The following RAB27B variants were observed in gnomAD, a reference collection of about 807,000 sequenced individuals.
The protein encoded by RAB27B is ras-related protein Rab-27B.
Under a neutral mutation model 24.6 loss-of-function variants are expected in RAB27B, and 15 were observed. The observed-to-expected ratio is 0.61, with a 90% CI of 0.41 to 0.94. The LOEUF is 0.94. RAB27B is among the 40% of genes least tolerant of loss of function. The probability of loss-of-function intolerance (pLI) is 0.00; values close to 1 mark genes in which losing one functional copy is unlikely to be tolerated. For synonymous variants in RAB27B, 105 were observed against 92.5 expected, an observed-to-expected ratio of 1.14 and a Z score of -0.78; for missense variants, 261 against 266.8, an observed-to-expected ratio of 0.98 and a Z score of 0.15.
intron 2 of RAB27B, among the ~76,000 whole-genome samples, chr18:54,796,663 C>T (rs535350850): frequency 6.6e-6 from 1 of 152,202 alleles, no homozygotes; most frequent in Non-Finnish European, 1.5e-5. Context: ...TCTCGACTTT[C>T]ACCCACTGTG....
intron 2 of RAB27B, among the ~76,000 whole-genome samples, chr18:54,731,491 C>T (rs546511528): frequency 5.9e-5 from 9 of 152,220 alleles, no homozygotes; most frequent in East Asian, 3.9e-4. Context: ...GAGGCTGAGG[C>T]GGGCAGATCA....
At chr18:54,880,813 G>A (rs1044541028) in intron 3 of RAB27B, 21 of 152,194 alleles carry the variant, frequency 1.4e-4, no homozygotes, top group Non-Finnish European at 1.0e-4. Flanking sequence ...GGCAGCTGCT[G>A]TATGGGGGAA....
intron 2 of RAB27B, among the ~76,000 whole-genome samples, chr18:54,783,124 A>AT (rs1473922440): frequency 2.0e-5 from 3 of 151,716 alleles, no homozygotes; most frequent in African/African-American, 4.8e-5. Flanking sequence ...TGCCTGGCTA[A>AT]TTTTTTTAAA....
intron 2 of RAB27B, among the ~76,000 whole-genome samples, chr18:54,801,205 G>GT (rs1454480576): frequency 1.3e-5 from 2 of 151,492 alleles, no homozygotes; most frequent in Non-Finnish European, 2.9e-5. Context: ...TAGAGATGGG[G>GT]TTTTTTACCA....
chr18:54,843,243 G>T (rs1214312920), intron 1 of RAB27B, among the ~76,000 whole-genome samples: 3 of 152,184 alleles, frequency 2.0e-5, no homozygotes, highest in Non-Finnish European at 4.4e-5. Flanking sequence ...ATCTCTGATT[G>T]TTGAAGTTCA....
At chr18:54,834,996 A>G (rs755677361) in intron 1 of RAB27B, among the ~76,000 whole-genome samples, 5 of 151,948 alleles carry the variant, frequency 3.3e-5, no homozygotes, top group Non-Finnish European at 4.4e-5. Flanking sequence ...AGCTTGTATT[A>G]TATTTGCCCA....
At chr18:54,720,302 G>T (rs192671098) in intron 2 of RAB27B, among the ~76,000 whole-genome samples, 2 of 152,216 alleles carry the variant, frequency 1.3e-5, no homozygotes, top group East Asian at 3.9e-4. Context: ...GATTCAGGTA[G>T]ATATCAATAT....
At chr18:54,778,632 A>G (rs1908790918) in intron 2 of RAB27B, among the ~76,000 whole-genome samples, 1 of 152,148 alleles carries the variant, frequency 6.6e-6, no homozygotes, top group South Asian at 2.1e-4. Context: ...AGTAAATTGA[A>G]GCCATAAATG....
rs190913139 is a variant in RAB27B at position 54,718,601 on chromosome 18, G to A, written c.-20+460G>A. 2.0e-5 allele frequency among the ~76,000 whole-genome samples: 3 copies of A among 152,280 alleles called. No individual in the cohort carries two copies. In the East Asian group the frequency reaches 5.8e-4, roughly 29 times the overall value. ...CCCCACAGTGTAAAGCCACTGAAGAGAAATCTAGTTTGCTTTTTCTTAACC... is the reference window on the plus strand; with the variant it reads ...CCCCACAGTGTAAAGCCACTGAAGAAAAATCTAGTTTGCTTTTTCTTAACC... On this transcript the variant is annotated intron_variant, in intron 2 of 4. Transcript: ENST00000586570.
At chr18:54,859,530 T>C (rs1911928609) in intron 1 of RAB27B, among the ~76,000 whole-genome samples, 1 of 151,530 alleles carries the variant, frequency 6.6e-6, no homozygotes, top group Admixed American at 6.6e-5. Context: ...AAGAATATTG[T>C]AGAATTGGGA....
At chr18:54,796,316 A>G (rs912757129) in intron 2 of RAB27B, among the ~76,000 whole-genome samples, 4 of 152,188 alleles carry the variant, frequency 2.6e-5, no homozygotes, top group African/African-American at 7.2e-5. Context: ...CCATCTGCAG[A>G]CAGCTTGTGC....
chr18:54,769,539 C>G (rs775196618), intron 2 of RAB27B, among the ~76,000 whole-genome samples: 23 of 151,486 alleles, frequency 1.5e-4, no homozygotes, highest in Non-Finnish European at 2.7e-4. Context: ...ATGATTTGGT[C>G]TATTGGTTTT....
chr18:54,761,429 C>A (rs1028942688), intron 2 of RAB27B, among the ~76,000 whole-genome samples: 1 of 152,180 alleles, frequency 6.6e-6, no homozygotes, highest in African/African-American at 2.4e-5. Context: ...ATCTTCAAAA[C>A]TTTGCTCTAT....
chr18:54,723,468 A>C (rs73474570), intron 2 of RAB27B, among the ~76,000 whole-genome samples: 26,916 of 152,224 alleles, frequency 0.18, 3,270 homozygotes, highest in African/African-American at 0.35. Flanking sequence ...ATTGCAAATA[A>C]AACATCAGAA....
intron 2 of RAB27B, among the ~76,000 whole-genome samples, chr18:54,751,284 G>A (rs1006722893): frequency 1.3e-5 from 2 of 152,150 alleles, no homozygotes; most frequent in Non-Finnish European, 2.9e-5. Flanking sequence ...GGCTGACAAG[G>A]GGAAGTGATG....
chr18:54,833,618 G>A (rs1270643504), intron 1 of RAB27B, among the ~76,000 whole-genome samples: 1 of 152,208 alleles, frequency 6.6e-6, no homozygotes, highest in Non-Finnish European at 1.5e-5. Flanking sequence ...AAAGAAAGCT[G>A]AGAAGTTATT....
chr18:54,809,929 A>G (rs1000776490), intron 2 of RAB27B, among the ~76,000 whole-genome samples: 1 of 152,222 alleles, frequency 6.6e-6, no homozygotes, highest in Non-Finnish European at 1.5e-5. Flanking sequence ...AAGTGTAAAC[A>G]GTTATGTTTT....
intron 2 of RAB27B, among the ~76,000 whole-genome samples, chr18:54,766,796 A>G (rs1908376975): frequency 6.6e-6 from 1 of 152,186 alleles, no homozygotes. Flanking sequence ...TAGTTGTGAA[A>G]TGTCATTTCT....
intron 3 of RAB27B, among the ~76,000 whole-genome samples, chr18:54,883,331 G>C (rs1851259417): frequency 6.6e-6 from 1 of 151,928 alleles, no homozygotes; most frequent in Non-Finnish European, 1.5e-5. Context: ...AGAGTAAGAG[G>C]GGTCAAGAAT....
Sources: gnomAD v4.1 joint callset for allele counts (sites outside exome capture counted in the v4.1 genomes callset) on GRCh38, gnomAD v4.1.1 for gene constraint, MANE v1.5 for transcripts, NCBI Gene and HGNC (gene_info 2026-07-23, HGNC 2026-07-21) for gene names.